Variants in KIF21A observed in about 807,000 individuals in gnomAD.
KIF21A encodes kinesin-like protein KIF21A.
KIF21A carries 114 observed loss-of-function variants against 202.9 expected under a neutral mutation model. The ratio of observed to expected loss-of-function variants is 0.56; its 90% confidence interval spans 0.48 to 0.66. The LOEUF (loss-of-function observed/expected upper bound fraction) is 0.66, where lower values mean the gene tolerates loss of function less well. Among genes scored for constraint, KIF21A ranks in the 30% least tolerant of loss-of-function variants. The probability of loss-of-function intolerance (pLI) is 0.00; values close to 1 mark genes in which losing one functional copy is unlikely to be tolerated. For synonymous variants in KIF21A, 667 were observed against 670.8 expected (o/e 0.99, Z 0.09); for missense variants, 1,677 against 1,994.9 (o/e 0.84, Z 3.04).
chr12:39,373,150 C>A (rs904938080), intron 1 of KIF21A, among the ~76,000 whole-genome samples: 1 of 152,176 alleles, frequency 6.6e-6, no homozygotes, highest in Non-Finnish European at 1.5e-5. Context: ...CACTACCCTG[C>A]GTAAAACCCT....
At chr12:39,314,082 A>G (rs1198796581) in intron 31 of KIF21A, among the ~76,000 whole-genome samples, 1 of 151,818 alleles carries the variant, frequency 6.6e-6, no homozygotes, top group African/African-American at 2.4e-5. Flanking sequence ...AAAAGGGCTG[A>G]TGAAGACTAA....
chr12:39,340,241 A>C lies in KIF21A; in HGVS notation c.2234T>G (p.Leu745Trp). 1 of 1,613,060 alleles carries C rather than the reference A, an allele frequency of 6.2e-7. No homozygotes were observed. Among genetic ancestry groups the C allele is most frequent in the South Asian group, 1.1e-5 (1 of 90,794 alleles). Residue 745 changes from leucine (L) to tryptophan (W), a missense_variant, in exon 16 of 38, where the codon TTG (leucine) becomes TGG (tryptophan). By Grantham distance (61) the Leu-to-Trp change is moderately conservative. This residue lies in a region of KIF21A where 966 missense variants were observed against 1,180.9 expected (regional missense o/e 0.82). Coordinates refer to ENST00000361418, the MANE Select transcript of KIF21A (RefSeq NM_001173464.2). ...TTCATACTGAGACTGATTTTTAAGC[A>C]ACCTTGCATGTTCTTTTTGAGCTGC... ...LQAAQKEHAR[L>W]LKNQSQYEKQ...
chr12:39,435,423 GA>G (rs1938547062), intron 1 of KIF21A, among the ~76,000 whole-genome samples: 1 of 152,192 alleles, frequency 6.6e-6, no homozygotes, highest in Non-Finnish European at 1.5e-5. Flanking sequence ...CCAAATGGCA[GA>G]AATTTTTCTG....
intron 1 of KIF21A, among the ~76,000 whole-genome samples, chr12:39,408,488 G>C (rs1952794429): frequency 6.6e-6 from 1 of 152,134 alleles, no homozygotes; most frequent in South Asian, 2.1e-4. Context: ...TCCAGGGATT[G>C]AGGAACCCCT....
chr12:39,361,064 T>C (rs928309876), intron 7 of KIF21A, among the ~76,000 whole-genome samples: 5 of 152,266 alleles, frequency 3.3e-5, no homozygotes, highest in South Asian at 2.1e-4. Context: ...ATTAAGGAAA[T>C]AGGTGAGGAA....
chr12:39,381,244 C>T lies in KIF21A; in HGVS notation c.45-10983G>A, dbSNP rs570080749. Among the ~76,000 whole-genome samples the T allele has an allele frequency of 3.5e-4, 52 of 148,394 alleles. 1 individual carries two copies. The South Asian group carries it at 9.4e-3, about 27-fold the overall frequency. ...AATGGTGTGAACCCAGGAGGCAGAG[C>T]TTACAGTGAGCAAGATCGAGCCACT... is the stretch of plus-strand genomic sequence containing the variant. On this transcript the variant is annotated intron_variant, in intron 1 of 37. Transcript: ENST00000361418.
At chr12:39,379,209 A>G (rs1256624553) in intron 1 of KIF21A, among the ~76,000 whole-genome samples, 1 of 151,956 alleles carries the variant, frequency 6.6e-6, no homozygotes, top group Admixed American at 6.6e-5. Flanking sequence ...GGGCGCCTGT[A>G]GTCCCAGCTA....
chr12:39,333,880 T>C (rs1466454865), intron 17 of KIF21A, among the ~76,000 whole-genome samples: 1 of 151,758 alleles, frequency 6.6e-6, no homozygotes, highest in African/African-American at 2.4e-5. Context: ...TCTACAGGCA[T>C]ATAATTTAAA....
At chr12:39,399,531 A>G (rs1254661748) in intron 1 of KIF21A, among the ~76,000 whole-genome samples, 1 of 152,262 alleles carries the variant, frequency 6.6e-6, no homozygotes, top group Non-Finnish European at 1.5e-5. Flanking sequence ...AGTTGTAAAT[A>G]TAATGAGGTA....
chr12:39,429,449 C>T (rs181259816), intron 1 of KIF21A, among the ~76,000 whole-genome samples: 1 of 152,136 alleles, frequency 6.6e-6, no homozygotes, highest in African/African-American at 2.4e-5. Flanking sequence ...GCACTATTAT[C>T]ATCCCTTTTC....
chr12:39,337,148 G>C lies in KIF21A; in HGVS notation c.2366C>G (p.Ser789Cys), dbSNP rs1251317083. The change falls in exon 17 of 38, where the codon TCT becomes TGT. Residue 789 changes from serine (S) to cysteine (C), a missense_variant. Ser to Cys is a moderately radical substitution (Grantham distance 112). Coordinates refer to ENST00000361418, the MANE Select transcript of KIF21A (RefSeq NM_001173464.2). Reference protein sequence around the residue: ...EEQEKARLTESRRNREIAQLK... With the variant: ...EEQEKARLTECRRNREIAQLK... ...CTGAGCAATCTCTCTGTTTCTTCTA[G>C]ACTCAGTCAGTCTGGCTTTCTCTTG... 6 of 1,612,416 alleles carry C rather than the reference G, an allele frequency of 3.7e-6. No individual in the cohort carries two copies. The highest frequency in any genetic ancestry group is 5.1e-6 in the Non-Finnish European group (6 of 1,179,498).
chr12:39,372,099 A>T (rs149504857), intron 1 of KIF21A, among the ~76,000 whole-genome samples: 2 of 151,972 alleles, frequency 1.3e-5, no homozygotes, highest in Non-Finnish European at 2.9e-5. Context: ...TATTTATTAG[A>T]GATAAAGCCA....
At position 39,442,931 on chromosome 12, in the gene KIF21A, C is replaced by G. The variant is rs1422024452; in HGVS notation, c.40G>C (p.Val14Leu). 1.3e-6 allele frequency: 2 copies of G among 1,524,858 alleles called. No homozygotes were observed. Among genetic ancestry groups the G allele is most frequent in the East Asian group, 2.5e-5 (1 of 39,876 alleles). 94.5% of individuals were successfully genotyped at this position (1,524,858 alleles called of 1,614,324 possible). Reference protein sequence around the residue: ...APDESSVRVAVRIRPQLAKEK... With the variant: ...APDESSVRVALRIRPQLAKEK... ...CCGCCGGCAGACTGTCCTCACCTGA[C>G]AGCCACCCGCACGGAGCTCTCGTCC... Residue 14 changes from valine to leucine, a missense_variant, in exon 1 of 38, where the codon GTC becomes CTC. Coordinates refer to ENST00000361418, the MANE Select transcript of KIF21A (RefSeq NM_001173464.2). This position sits in a 1 kb window ranked among gnomAD's most constrained non-coding sequence, Gnocchi z 5.0.
intron 31 of KIF21A, 79 bp downstream of exon 31, chr12:39,315,149 CT>C: frequency 7.5e-7 from 1 of 1,330,196 alleles, no homozygotes. Flanking sequence ...AAAATAAACA[CT>C]TATTTTTGTT....
chr12:39,312,477 T>C (rs905972255), intron 31 of KIF21A: 3 of 151,906 alleles, frequency 2.0e-5, no homozygotes, highest in East Asian at 1.9e-4. Flanking sequence ...AGGGTGACTA[T>C]AGTTGATAAT....
intron 1 of KIF21A, among the ~76,000 whole-genome samples, chr12:39,373,882 A>T (rs537062862): frequency 6.6e-6 from 1 of 152,234 alleles, no homozygotes; most frequent in East Asian, 1.9e-4. Context: ...ATCCATTTGC[A>T]TGGGTGAAGA....
intron 8 of KIF21A, among the ~76,000 whole-genome samples, chr12:39,357,908 C>CAAAAAAAAAAAAAAAAAAAAAAAAAAA (rs56035929): frequency 2.7e-5 from 1 of 36,706 alleles, no homozygotes; most frequent in Non-Finnish European, 4.7e-5. Context: ...GACTCCATCT[C>CAAAAAAAAAAAAAAAAAAAAAAAAAAA]AAAAAAAAAA....
chr12:39,374,056 A>G (rs578236236), intron 1 of KIF21A, among the ~76,000 whole-genome samples: 1 of 152,340 alleles, frequency 6.6e-6, no homozygotes, highest in Admixed American at 6.5e-5. Context: ...GACTAGGGAT[A>G]GGTTCACCTT....
At chr12:39,375,396 C>T (rs1253504932) in intron 1 of KIF21A, among the ~76,000 whole-genome samples, 1 of 152,036 alleles carries the variant, frequency 6.6e-6, no homozygotes, top group Non-Finnish European at 1.5e-5. Flanking sequence ...CTGTGTATGC[C>T]AAGAATGCAA....
Sources: allele counts gnomAD v4.1 joint callset (sites outside exome capture counted in the v4.1 genomes callset), GRCh38; gene constraint gnomAD v4.1.1; regional missense constraint gnomAD v4.1.1; non-coding constraint Gnocchi (gnomAD v3.1); transcripts MANE v1.5; gene names NCBI Gene and HGNC (gene_info 2026-07-23, HGNC 2026-07-21).